GLRA3: variants seen among roughly 807,000 people sequenced by gnomAD.
GLRA3 encodes glycine receptor subunit alpha-3.
GLRA3 carries 44 observed loss-of-function variants against 60.4 expected under a neutral mutation model. The observed-to-expected ratio is 0.73, with a 90% confidence interval of 0.57 to 0.94. The LOEUF is 0.94. Among genes scored for constraint, GLRA3 ranks in the 40% least tolerant of loss-of-function variants. The probability of loss-of-function intolerance (pLI) is 0.00; values close to 1 mark genes in which losing one functional copy is unlikely to be tolerated. For missense variants in GLRA3, 508 were observed against 564.6 expected (o/e 0.90, Z 1.02); for synonymous variants, 223 against 192.9 (o/e 1.16, Z -1.29).
intron 2 of GLRA3, among the ~76,000 whole-genome samples, chr4:174,778,902 C>T (rs989112191): frequency 2.1e-4 from 32 of 152,214 alleles, no homozygotes; most frequent in Non-Finnish European, 4.1e-4. Context: ...GGAGGGGCGC[C>T]CGCCATTGCC....
chr4:174,679,887 T>C (rs1734276325), intron 6 of GLRA3, among the ~76,000 whole-genome samples: 1 of 152,070 alleles, frequency 6.6e-6, no homozygotes, highest in Non-Finnish European at 1.5e-5. Context: ...GGTTGGTGAG[T>C]GGGTTTAAAA....
intron 2 of GLRA3, among the ~76,000 whole-genome samples, 184 bp downstream of exon 2, chr4:174,788,632 A>C (rs1181576675): frequency 1.3e-5 from 2 of 149,618 alleles, no homozygotes; most frequent in Non-Finnish European, 3.0e-5. Context: ...GGGCCAAAGA[A>C]GGCAAATTAT....
chr4:174,791,813 G>A (rs947637242), intron 1 of GLRA3, among the ~76,000 whole-genome samples: 10 of 152,070 alleles, frequency 6.6e-5, no homozygotes, highest in Admixed American at 2.0e-4. Context: ...ATACTGTGGC[G>A]ACTATGGAAA....
intron 6 of GLRA3, among the ~76,000 whole-genome samples, chr4:174,681,442 C>T (rs1734337819): frequency 6.6e-6 from 1 of 152,042 alleles, no homozygotes; most frequent in Non-Finnish European, 1.5e-5. Context: ...AAGAGGGGGT[C>T]CCAAATCCAA....
chr4:174,793,106 T>G (rs913084394), intron 1 of GLRA3, among the ~76,000 whole-genome samples: 2 of 152,204 alleles, frequency 1.3e-5, no homozygotes, highest in Non-Finnish European at 2.9e-5. Flanking sequence ...TCACAATTAT[T>G]TTTTTGCCAG....
chr4:174,789,053 A>G (rs957839045), intron 1 of GLRA3, 110 bp from the exon 2 acceptor site: 5 of 646,592 alleles, frequency 7.7e-6, no homozygotes, highest in Non-Finnish European at 1.3e-5. Context: ...GCAACAAAAC[A>G]TAAACCTTTA....
At chr4:174,818,484 A>G (rs1740599957) in intron 1 of GLRA3, among the ~76,000 whole-genome samples, 1 of 152,200 alleles carries the variant, frequency 6.6e-6, no homozygotes, top group Non-Finnish European at 1.5e-5. Context: ...TTTAGGCTAC[A>G]CATAAAACCT....
intron 3 of GLRA3, among the ~76,000 whole-genome samples, chr4:174,752,990 G>A (rs780498974): frequency 3.3e-5 from 5 of 152,108 alleles, no homozygotes; most frequent in Non-Finnish European, 5.9e-5. Context: ...AATGGCTTAT[G>A]TTATCAAGCC....
intron 1 of GLRA3, among the ~76,000 whole-genome samples, chr4:174,815,699 G>A (rs1220873448): frequency 1.3e-5 from 2 of 152,138 alleles, no homozygotes; most frequent in Non-Finnish European, 2.9e-5. Context: ...AGTAATGGCT[G>A]GAATTGTTGG....
chr4:174,655,884 G>A (rs1414248665), intron 9 of GLRA3, among the ~76,000 whole-genome samples: 1 of 152,062 alleles, frequency 6.6e-6, no homozygotes, highest in Non-Finnish European at 1.5e-5. Context: ...TCTGTTATGA[G>A]GTTGAGATTA....
At chr4:174,683,777 A>G (rs949526251) in intron 5 of GLRA3, among the ~76,000 whole-genome samples, 76 of 152,204 alleles carry the variant, frequency 5.0e-4, no homozygotes, top group African/African-American at 1.8e-3. Flanking sequence ...AGTTGCATGT[A>G]GATAGCATTT....
chr4:174,709,967 CT>C (rs5864286), intron 5 of GLRA3, among the ~76,000 whole-genome samples: 30,135 of 141,836 alleles, frequency 0.21, 3,187 homozygotes, highest in South Asian at 0.33. Context: ...TGTTGATTTT[CT>C]TTTTTTTTTT....
At chr4:174,767,123 T>TACACACAC (rs10551381) in intron 2 of GLRA3, 93 bp from the exon 3 acceptor site, 21 of 471,786 alleles carry the variant, frequency 4.5e-5, no homozygotes, top group Admixed American at 2.7e-4. Flanking sequence ...TATTCCATTT[T>TACACACAC]ACACACACAC....
chr4:174,681,677 C>T (rs185089033), intron 6 of GLRA3, among the ~76,000 whole-genome samples: 34 of 152,228 alleles, frequency 2.2e-4, no homozygotes, highest in African/African-American at 7.7e-4. Context: ...GGACTCCTAC[C>T]CTCCAGAACT....
intron 7 of GLRA3, among the ~76,000 whole-genome samples, chr4:174,664,174 A>G (rs1244812830): frequency 6.6e-6 from 1 of 152,102 alleles, no homozygotes; most frequent in Non-Finnish European, 1.5e-5. Context: ...TGAGCTGCTT[A>G]GGGAGATGGC....
At chr4:174,731,881 A>G (rs1736560149) in intron 3 of GLRA3, among the ~76,000 whole-genome samples, 1 of 152,232 alleles carries the variant, frequency 6.6e-6, no homozygotes, top group Non-Finnish European at 1.5e-5. Context: ...GCAAATACCC[A>G]AGAAGTATCT....
intron 6 of GLRA3, among the ~76,000 whole-genome samples, chr4:174,679,100 G>A (rs369257558): frequency 1.3e-5 from 2 of 152,210 alleles, no homozygotes; most frequent in African/African-American, 4.8e-5. Flanking sequence ...GGGAGGCCGA[G>A]GCGGGAGAAT....
chr4:174,703,286 A>G (rs12505229), intron 5 of GLRA3, among the ~76,000 whole-genome samples: 31,299 of 151,942 alleles, frequency 0.21, 3,383 homozygotes, highest in East Asian at 0.39. Context: ...TAGAGGTAAA[A>G]GTATAAAGGA....
At chr4:174,697,721 A>G (rs1429893658) in intron 5 of GLRA3, among the ~76,000 whole-genome samples, 1 of 152,066 alleles carries the variant, frequency 6.6e-6, no homozygotes, top group Non-Finnish European at 1.5e-5. Context: ...TGGATATATA[A>G]TTTGTGACCC....
Sources: gnomAD v4.1 joint callset for allele counts (sites outside exome capture counted in the v4.1 genomes callset) on GRCh38, gnomAD v4.1.1 for gene constraint, MANE v1.5 for transcripts, NCBI Gene and HGNC (gene_info 2026-07-23, HGNC 2026-07-21) for gene names.